Variants in UBE2Q2 observed in about 807,000 individuals in gnomAD.
UBE2Q2 encodes the protein ubiquitin conjugating enzyme E2 Q2.
A neutral mutation model predicts 59.9 loss-of-function variants in UBE2Q2; 54 were observed. The ratio of observed to expected loss-of-function variants is 0.90; its 90% CI spans 0.72 to 1.13. UBE2Q2 has a LOEUF of 1.13. Among genes scored for constraint, UBE2Q2 ranks in the 50% most tolerant of loss-of-function variants. UBE2Q2 has a pLI of 0.00. For missense variants in UBE2Q2, 433 were observed against 441.9 expected, an observed-to-expected ratio of 0.98 and a Z score of 0.18; for synonymous variants, 165 against 155.2, an observed-to-expected ratio of 1.06 and a Z score of -0.47.
chr15:75,858,865 C>G (rs995675251), intron 2 of UBE2Q2, among the ~76,000 whole-genome samples: 12 of 152,138 alleles, frequency 7.9e-5, no homozygotes, highest in Admixed American at 3.9e-4. Flanking sequence ...CGTAATTTAC[C>G]GTTCAACCTT....
At chr15:75,876,112 A>ATC (rs1288656017) in intron 5 of UBE2Q2, 75 bp from the exon 6 acceptor site, 2 of 1,368,246 alleles carry the variant, frequency 1.5e-6, no homozygotes, top group Non-Finnish European at 2.0e-6. Flanking sequence ...TTTTGCTGTA[A>ATC]TCTTTTAGAT....
intron 5 of UBE2Q2, 87 bp from the exon 6 acceptor site, chr15:75,876,100 A>AT (rs1251471755): frequency 8.1e-7 from 1 of 1,229,184 alleles, no homozygotes; most frequent in Non-Finnish European, 1.2e-6. Context: ...GTGGTGATCC[A>AT]TTTTTGCTGT....
At chr15:75,872,324 G>GA (rs35840590) in intron 4 of UBE2Q2, among the ~76,000 whole-genome samples, 34,619 of 145,424 alleles carry the variant, frequency 0.24, 4,650 homozygotes, top group Non-Finnish European at 0.31. Flanking sequence ...CCTGCTTGGG[G>GA]AAAAAAAAAA....
In UBE2Q2 at chr15:75,873,583, A is replaced by G; in HGVS notation, c.588+15A>G. The G allele has an allele frequency of 1.2e-6, 2 of 1,603,516 alleles. No individual in the cohort carries two copies. Among genetic ancestry groups the G allele is most frequent in the Non-Finnish European group, 8.5e-7 (1 of 1,176,750 alleles). On this transcript the variant is annotated intron_variant, in intron 5 of 12. Coordinates refer to ENST00000267938, the MANE Select transcript of UBE2Q2 (RefSeq NM_173469.4). ...ACCATTTAAATGTAAGTGTGTGTAG[A>G]TATCTAGAACCTGGACTTTTGTGGT...
At chr15:75,889,743 T>C (rs1364517873) in intron 9 of UBE2Q2, among the ~76,000 whole-genome samples, 10 of 152,232 alleles carry the variant, frequency 6.6e-5, no homozygotes, top group Non-Finnish European at 1.0e-4. Flanking sequence ...AGGCATGATA[T>C]TTATGTATTT....
chr15:75,892,723 A>C (rs979916699), intron 11 of UBE2Q2, among the ~76,000 whole-genome samples: 1 of 152,106 alleles, frequency 6.6e-6, no homozygotes, highest in Non-Finnish European at 1.5e-5. Flanking sequence ...ACCCTAAAAA[A>C]ACAATTAGCT....
intron 8 of UBE2Q2, among the ~76,000 whole-genome samples, chr15:75,883,002 T>C (rs926287626): frequency 4.6e-5 from 7 of 152,202 alleles, no homozygotes; most frequent in African/African-American, 1.7e-4. Context: ...TGCTCTCTGG[T>C]GTTCCCTTTT....
intron 3 of UBE2Q2, among the ~76,000 whole-genome samples, chr15:75,865,804 G>GT (rs199640921): frequency 0.016 from 1,413 of 86,216 alleles, 15 homozygotes; most frequent in African/African-American, 0.034. Flanking sequence ...ATATCTGGTT[G>GT]TTTTTTTTTT....
At chr15:75,844,145 C>T (rs778795216) in intron 1 of UBE2Q2, 84 of 1,427,704 alleles carry the variant, frequency 5.9e-5, no homozygotes, top group Non-Finnish European at 7.1e-5. Flanking sequence ...GGCCCAAGCC[C>T]TTGTGGGGTC....
At chr15:75,844,638 G>T (rs893228203) in intron 1 of UBE2Q2, 2 of 800,980 alleles carry the variant, frequency 2.5e-6, no homozygotes, top group Admixed American at 6.0e-5. Context: ...CTCATTAAGC[G>T]GAAATCTCAT....
chr15:75,860,608 G>A (rs1422906741), intron 3 of UBE2Q2, among the ~76,000 whole-genome samples: 1 of 152,060 alleles, frequency 6.6e-6, no homozygotes, highest in Non-Finnish European at 1.5e-5. Flanking sequence ...ATTTAAGATA[G>A]GATATTTCCT....
At chr15:75,896,183 A>G (rs918287865) in intron 11 of UBE2Q2, among the ~76,000 whole-genome samples, 2 of 152,228 alleles carry the variant, frequency 1.3e-5, no homozygotes, top group Non-Finnish European at 2.9e-5. Flanking sequence ...AAAGAGGGAC[A>G]TACAAGAAAT....
intron 3 of UBE2Q2, among the ~76,000 whole-genome samples, chr15:75,865,218 C>G (rs1482769213): frequency 2.0e-5 from 3 of 152,234 alleles, no homozygotes; most frequent in Non-Finnish European, 4.4e-5. Context: ...TCTAGTGTTA[C>G]CACTTATGTA....
At chr15:75,877,300 T>C (rs1054637979) in intron 6 of UBE2Q2, among the ~76,000 whole-genome samples, 1 of 152,108 alleles carries the variant, frequency 6.6e-6, no homozygotes, top group African/African-American at 2.4e-5. Context: ...ATCCTTGCTT[T>C]GTAGTGTGCA....
intron 6 of UBE2Q2, among the ~76,000 whole-genome samples, chr15:75,877,131 A>T (rs1458478058): frequency 1.7e-5 from 2 of 120,778 alleles, no homozygotes; most frequent in African/African-American, 6.1e-5. Context: ...ACCGCACTCC[A>T]GCCTGGGCAG....
intron 12 of UBE2Q2, 146 bp from the exon 13 acceptor site, chr15:75,899,281 T>A (rs868563601): frequency 3.9e-4 from 88 of 227,658 alleles, no homozygotes; most frequent in Middle Eastern, 1.8e-3. Flanking sequence ...TCTCAAAAAA[T>A]ATATATATAA....
chr15:75,864,406 A>T (rs1897349368), intron 3 of UBE2Q2, among the ~76,000 whole-genome samples: 1 of 152,040 alleles, frequency 6.6e-6, no homozygotes, highest in South Asian at 2.1e-4. Context: ...GGTAGAGGGG[A>T]TGTCACTAAA....
At position 75,857,915 on chromosome 15, in the gene UBE2Q2, C is replaced by G. The variant is rs182245055; in HGVS notation, c.283-1963C>G. Among the ~76,000 whole-genome samples, 269 of 151,988 alleles carry G rather than the reference C, an allele frequency of 1.8e-3. 4 individuals are homozygous for G. The highest frequency in any genetic ancestry group is 5.9e-3 in the African/African-American group (244 of 41,464). ...TATGCTTGTTTATACTTTTTTCTTT[C>G]CTGGTGGGTACAGGAAACTGTCAAT... On this transcript the variant is annotated intron_variant, in intron 2 of 12. Transcript: ENST00000267938.
chr15:75,880,362 C>G (rs572796618), intron 8 of UBE2Q2, among the ~76,000 whole-genome samples: 2 of 152,264 alleles, frequency 1.3e-5, no homozygotes, highest in South Asian at 4.1e-4. Flanking sequence ...ATCTGCCTGC[C>G]TCGGCCTCCC....
Sources: gnomAD v4.1 joint callset for allele counts (sites outside exome capture counted in the v4.1 genomes callset) on GRCh38, gnomAD v4.1.1 for gene constraint, MANE v1.5 for transcripts, NCBI Gene and HGNC (gene_info 2026-07-23, HGNC 2026-07-21) for gene names.